The following ABCA1 variants were observed in gnomAD, a reference collection of about 807,000 sequenced individuals.
ABCA1 encodes the protein ATP binding cassette subfamily A member 1.
Under a neutral mutation model 262.5 loss-of-function variants are expected in ABCA1, and 133 were observed. The observed-to-expected ratio is 0.51, with a 90% confidence interval of 0.44 to 0.59. The LOEUF is 0.59. ABCA1 is among the 20% of genes least tolerant of loss of function. The pLI is 0.00. For synonymous variants in ABCA1, 1,022 were observed against 1,043.5 expected (o/e 0.98, Z 0.40); for missense variants, 2,452 against 2,777.5 (o/e 0.88, Z 2.63).
intron 5 of ABCA1, among the ~76,000 whole-genome samples, chr9:104,874,883 C>T (rs1445798099): frequency 2.1e-5 from 3 of 140,302 alleles, no homozygotes; most frequent in East Asian, 2.0e-4. Context: ...GGGCAGCCCC[C>T]GCCCGGCCAG....
intron 8 of ABCA1, among the ~76,000 whole-genome samples, 194 bp downstream of exon 8, chr9:104,845,283 A>G (rs1020298581): frequency 2.0e-5 from 3 of 152,270 alleles, no homozygotes; most frequent in Non-Finnish European, 4.4e-5. Context: ...GCTCTGAGAC[A>G]TCTATGAGTT....
At chr9:104,873,768 C>T (rs1837854580) in intron 5 of ABCA1, among the ~76,000 whole-genome samples, 2 of 152,190 alleles carry the variant, frequency 1.3e-5, no homozygotes, top group Admixed American at 6.5e-5. Context: ...AGGCACTGTA[C>T]TAAGTGCTTC....
In ABCA1 at chr9:104,867,932, C is replaced by G. The variant is rs1837236215; in HGVS notation, c.422-6132G>C. Among the ~76,000 whole-genome samples, 4 of 152,140 alleles carry G rather than the reference C, an allele frequency of 2.6e-5. No individual in the cohort carries two copies. The South Asian group carries it at 8.3e-4, about 32-fold the overall frequency. On this transcript the variant is annotated intron_variant, in intron 5 of 49. Coordinates refer to ENST00000374736, the MANE Select transcript of ABCA1 (RefSeq NM_005502.4). ...GAAGATGATCTCTGAGGTCTTCTTA[C>G]CTGACACTGAAAGGAACACAGGGCA...
At chr9:104,865,261 G>T (rs575189484) in intron 5 of ABCA1, among the ~76,000 whole-genome samples, 4 of 152,304 alleles carry the variant, frequency 2.6e-5, no homozygotes, top group African/African-American at 9.6e-5. Flanking sequence ...TAAGACCCAG[G>T]CATCAGAATT....
At chr9:104,913,252 T>C (rs1433321569) in intron 1 of ABCA1, among the ~76,000 whole-genome samples, 1 of 152,150 alleles carries the variant, frequency 6.6e-6, no homozygotes, top group Non-Finnish European at 1.5e-5. Context: ...CCTTAACTCC[T>C]TTGTTGTCTT....
At chr9:104,886,322 A>G (rs142093221) in intron 3 of ABCA1, among the ~76,000 whole-genome samples, 5 of 152,186 alleles carry the variant, frequency 3.3e-5, no homozygotes, top group African/African-American at 1.2e-4. Flanking sequence ...GCATTTCAAT[A>G]TAGGGTCTTT....
chr9:104,913,976 T>C (rs970083734), intron 1 of ABCA1, among the ~76,000 whole-genome samples: 12 of 151,764 alleles, frequency 7.9e-5, no homozygotes, highest in African/African-American at 2.9e-4. Context: ...ATTTTTTGTA[T>C]TTTTAGTAGA....
At chr9:104,861,821 AT>A in intron 5 of ABCA1, 21 bp from the exon 6 acceptor site, 1 of 1,593,264 alleles carries the variant, frequency 6.3e-7, no homozygotes, top group South Asian at 1.1e-5. Context: ...ATAGTGTTTT[AT>A]TTTTATTTAG....
chr9:104,915,070 G>A (rs887761786), intron 1 of ABCA1, among the ~76,000 whole-genome samples: 1 of 152,198 alleles, frequency 6.6e-6, no homozygotes, highest in Non-Finnish European at 1.5e-5. Context: ...ATAGGCTCAA[G>A]TCAGGAACTC....
intron 33 of ABCA1, among the ~76,000 whole-genome samples, chr9:104,802,528 G>A (rs1243095556): frequency 6.6e-6 from 1 of 152,170 alleles, no homozygotes; most frequent in Non-Finnish European, 1.5e-5. Flanking sequence ...ACTGTCCAGA[G>A]TAGGCTGCGC....
At chr9:104,869,055 G>T (rs972201630) in intron 5 of ABCA1, among the ~76,000 whole-genome samples, 4 of 152,010 alleles carry the variant, frequency 2.6e-5, no homozygotes, top group Admixed American at 6.6e-5. Context: ...AGGAGAGGAG[G>T]GAGAGCAGCT....
At chr9:104,891,063 A>T (rs541536087) in intron 2 of ABCA1, among the ~76,000 whole-genome samples, 31 of 152,190 alleles carry the variant, frequency 2.0e-4, no homozygotes, top group Non-Finnish European at 4.0e-4. Context: ...CATAAAATAT[A>T]ATCTTAAAAC....
chr9:104,880,628 A>G (rs1289725166), intron 5 of ABCA1, among the ~76,000 whole-genome samples: 1 of 152,180 alleles, frequency 6.6e-6, no homozygotes, highest in Non-Finnish European at 1.5e-5. Flanking sequence ...ATTTCCCCCT[A>G]TACTGAAGCC....
intron 6 of ABCA1, among the ~76,000 whole-genome samples, chr9:104,860,245 G>A (rs1482659338): frequency 1.3e-5 from 2 of 152,020 alleles, no homozygotes; most frequent in Non-Finnish European, 2.9e-5. Context: ...GACCATCCAA[G>A]GACCATCTCC....
chr9:104,812,757 C>A, intron 27 of ABCA1, 35 bp from the exon 28 acceptor site: 2 of 1,613,718 alleles, frequency 1.2e-6, no homozygotes, highest in Non-Finnish European at 1.7e-6. Context: ...CACCTATTAT[C>A]TTAGGTGTTT....
At chr9:104,830,251 G>A (rs1833167911) in intron 14 of ABCA1, among the ~76,000 whole-genome samples, 1 of 152,202 alleles carries the variant, frequency 6.6e-6, no homozygotes, top group East Asian at 1.9e-4. Context: ...GAGAAGAAGT[G>A]CACACATTTA....
At chr9:104,805,586 C>T (rs1280772056) in intron 31 of ABCA1, among the ~76,000 whole-genome samples, 1 of 152,164 alleles carries the variant, frequency 6.6e-6, no homozygotes, top group Non-Finnish European at 1.5e-5. Flanking sequence ...TTGACAAGAT[C>T]CACAGGAGTT....
chr9:104,904,295 C>T (rs1175322162), intron 1 of ABCA1, among the ~76,000 whole-genome samples: 2 of 152,118 alleles, frequency 1.3e-5, no homozygotes, highest in Non-Finnish European at 2.9e-5. Context: ...ATCGGCCAGG[C>T]GTGGTGGCTC....
chr9:104,812,839 T>A (rs1341666040), intron 27 of ABCA1, 117 bp from the exon 28 acceptor site: 1 of 1,374,620 alleles, frequency 7.3e-7, no homozygotes, highest in Non-Finnish European at 1.0e-6. Flanking sequence ...AAGCTAGAAG[T>A]TTCTCAGAAG....
Sources: gnomAD v4.1 joint callset for allele counts (sites outside exome capture counted in the v4.1 genomes callset) on GRCh38, gnomAD v4.1.1 for gene constraint, MANE v1.5 for transcripts, NCBI Gene and HGNC (gene_info 2026-07-23, HGNC 2026-07-21) for gene names.